The following TOX variants were observed in gnomAD, a reference collection of about 807,000 sequenced individuals.
The protein encoded by TOX is thymocyte selection associated high mobility group box, also known as thymocyte selection-associated high mobility group box protein TOX.
In TOX, 11 loss-of-function variants were observed where a neutral mutation model predicts 53.7. The observed-to-expected ratio is 0.20, with a 90% confidence interval of 0.13 to 0.34. The LOEUF is 0.34. Ranked by LOEUF, TOX falls within the 10% of genes least tolerant of loss-of-function variation. The probability of loss-of-function intolerance (pLI) is 1.00; values close to 1 mark genes in which losing one functional copy is unlikely to be tolerated. For missense variants in TOX, 570 were observed against 664.6 expected (o/e 0.86, Z 1.56); for synonymous variants, 225 against 245.3 (o/e 0.92, Z 0.77).
chr8:59,118,779 C>T lies in TOX; in HGVS notation c.102+107G>A. The T allele has an allele frequency of 4.2e-6, 3 of 712,102 alleles. No homozygotes were observed. The highest frequency in any genetic ancestry group is 4.3e-5 in the Admixed American group (1 of 23,480). The allele number at this position is 712,102 out of a possible 1,614,324, so 44.1% of individuals were successfully genotyped here. On this transcript the variant is annotated intron_variant, in intron 1 of 8. Transcript: ENST00000361421. The surrounding 1 kb of genome is among the most constrained non-coding windows in gnomAD (Gnocchi z 4.1). ...GCAGCGGGCTGCGAGCCGAGCGCGC[C>T]CGGGACCGGCCTCCGCCAAGCCGGC...
At chr8:59,036,487 C>T (rs1229298007) in intron 1 of TOX, among the ~76,000 whole-genome samples, 1 of 152,174 alleles carries the variant, frequency 6.6e-6, no homozygotes, top group African/African-American at 2.4e-5. Flanking sequence ...GAATTTTTAA[C>T]AATTTCAGGA....
At chr8:58,838,742 G>A (rs1393534846) in intron 4 of TOX, among the ~76,000 whole-genome samples, 1 of 106,686 alleles carries the variant, frequency 9.4e-6, no homozygotes, top group Non-Finnish European at 1.7e-5. Flanking sequence ...TTGCTCTGTC[G>A]CCAGGCTGGA....
chr8:58,821,675 C>G (rs1158034629), intron 6 of TOX, among the ~76,000 whole-genome samples: 1 of 152,108 alleles, frequency 6.6e-6, no homozygotes, highest in African/African-American at 2.4e-5. Context: ...CTAGATACCT[C>G]CTATAAGTGG....
chr8:58,965,852 C>T (rs1812885926), intron 1 of TOX, among the ~76,000 whole-genome samples: 1 of 127,688 alleles, frequency 7.8e-6, no homozygotes, highest in South Asian at 2.8e-4. Context: ...ACAAAATTTC[C>T]ATTTTTGTAT....
In TOX at chr8:58,952,316, T is replaced by C. The variant is rs1203880019; in HGVS notation, c.168+7627A>G. ...ATGGAACTAGCATAGACAGGTGACA[T>C]TATTCAACACATTACTATTCTTAAA... On this transcript the variant is annotated intron_variant, in intron 2 of 8. Coordinates refer to ENST00000361421, the MANE Select transcript of TOX (RefSeq NM_014729.3). 2.0e-5 allele frequency among the ~76,000 whole-genome samples: 3 copies of C among 152,240 alleles called. No homozygotes were observed. In the East Asian group the frequency reaches 5.8e-4, roughly 29 times the overall value.
intron 6 of TOX, among the ~76,000 whole-genome samples, chr8:58,821,990 A>G (rs929526143): frequency 2.0e-5 from 3 of 152,244 alleles, no homozygotes; most frequent in Non-Finnish European, 4.4e-5. Context: ...CACTTTTTAG[A>G]TGTCCTAGAA....
At chr8:58,962,182 G>A (rs779621511) in intron 1 of TOX, among the ~76,000 whole-genome samples, 12 of 152,126 alleles carry the variant, frequency 7.9e-5, no homozygotes, top group Non-Finnish European at 1.3e-4. Flanking sequence ...CAACATGTAC[G>A]CTAATTGAGT....
intron 1 of TOX, among the ~76,000 whole-genome samples, chr8:58,990,683 TC>T (rs1813425919): frequency 1.3e-5 from 2 of 152,118 alleles, no homozygotes; most frequent in Non-Finnish European, 2.9e-5. Flanking sequence ...GCAGCAAGCA[TC>T]CCAGAGGTCT....
At chr8:59,025,527 A>G (rs185271072) in intron 1 of TOX, among the ~76,000 whole-genome samples, 9 of 152,192 alleles carry the variant, frequency 5.9e-5, no homozygotes, top group East Asian at 1.9e-4. Context: ...AGGGATCCCA[A>G]CCTACACTTC....
intron 3 of TOX, among the ~76,000 whole-genome samples, chr8:58,899,931 C>A (rs1020783772): frequency 1.3e-5 from 2 of 151,972 alleles, no homozygotes; most frequent in Non-Finnish European, 2.9e-5. Context: ...AAACTGTTTG[C>A]CTATTTTGAT....
intron 3 of TOX, among the ~76,000 whole-genome samples, chr8:58,912,899 T>C (rs1042112454): frequency 6.6e-6 from 1 of 152,194 alleles, no homozygotes; most frequent in African/African-American, 2.4e-5. Context: ...GTTCTACCTG[T>C]ATATCCACAG....
intron 3 of TOX, among the ~76,000 whole-genome samples, chr8:58,880,419 T>G (rs901915773): frequency 6.6e-6 from 1 of 152,200 alleles, no homozygotes; most frequent in African/African-American, 2.4e-5. Context: ...TCTTAACAAA[T>G]GGTGAATACT....
intron 4 of TOX, among the ~76,000 whole-genome samples, chr8:58,848,720 AAC>A (rs773374495): frequency 6.6e-6 from 1 of 152,128 alleles, no homozygotes; most frequent in Non-Finnish European, 1.5e-5. Context: ...TAAGGCTGTC[AAC>A]ACAGTTTCCT....
intron 8 of TOX, 112 bp from the exon 9 acceptor site, chr8:58,807,895 G>T: frequency 7.0e-7 from 1 of 1,418,458 alleles, no homozygotes; most frequent in South Asian, 1.2e-5. Flanking sequence ...CTGTTCACTG[G>T]GAAACTGCAA....
intron 3 of TOX, among the ~76,000 whole-genome samples, chr8:58,867,229 A>G (rs1192925377): frequency 1.3e-5 from 2 of 152,204 alleles, no homozygotes; most frequent in Non-Finnish European, 1.5e-5. Context: ...TTCCCCTTTC[A>G]TAGGCCAGGG....
chr8:58,904,109 G>C (rs945862729), intron 3 of TOX, among the ~76,000 whole-genome samples: 1 of 152,054 alleles, frequency 6.6e-6, no homozygotes, highest in East Asian at 1.9e-4. Context: ...ATTCCAATGA[G>C]AAAAGTGTTC....
intron 1 of TOX, among the ~76,000 whole-genome samples, chr8:58,994,370 T>C (rs910382693): frequency 2.0e-5 from 3 of 151,244 alleles, no homozygotes; most frequent in African/African-American, 7.3e-5. Flanking sequence ...CCCTATTTAG[T>C]TTATAGCTTT....
At chr8:58,845,857 T>A (rs1810711373) in intron 4 of TOX, among the ~76,000 whole-genome samples, 1 of 152,144 alleles carries the variant, frequency 6.6e-6, no homozygotes, top group Non-Finnish European at 1.5e-5. Flanking sequence ...TTTATACACC[T>A]ACTGGTTAAA....
intron 1 of TOX, among the ~76,000 whole-genome samples, chr8:59,009,060 T>G (rs1813847504): frequency 6.6e-6 from 1 of 151,842 alleles, no homozygotes; most frequent in Non-Finnish European, 1.5e-5. Flanking sequence ...TTTCCTTCCT[T>G]TCTTCCTTTC....
Sources: gnomAD v4.1 joint callset for allele counts (sites outside exome capture counted in the v4.1 genomes callset) on GRCh38, gnomAD v4.1.1 for gene constraint, Gnocchi (gnomAD v3.1) non-coding constraint, MANE v1.5 for transcripts, NCBI Gene and HGNC (gene_info 2026-07-23, HGNC 2026-07-21) for gene names.